The following UST variants were observed in gnomAD, a reference collection of about 807,000 sequenced individuals.
UST encodes the protein chondroitin sulfate 2-O-sulfotransferase.
In UST, 21 loss-of-function variants were observed where a neutral mutation model predicts 45.6. The observed-to-expected ratio is 0.46, with a 90% CI of 0.33 to 0.66. The LOEUF (loss-of-function observed/expected upper bound fraction) is 0.66, where lower values mean the gene tolerates loss of function less well. Ranked by LOEUF, UST falls within the 30% of genes least tolerant of loss-of-function variation. The probability of loss-of-function intolerance (pLI) is 0.02; values close to 1 mark genes in which losing one functional copy is unlikely to be tolerated. For missense variants in UST, 463 were observed against 512.4 expected (o/e 0.90, Z 0.93); for synonymous variants, 215 against 200.6 (o/e 1.07, Z -0.61).
chr6:148,877,373 GGGGGGGTCGTGTATGAGTGC>G (rs1778688718), intron 1 of UST, among the ~76,000 whole-genome samples: 1 of 80,082 alleles, frequency 1.2e-5, no homozygotes, highest in African/African-American at 5.2e-5. Context: ...GTGTATGAGT[GGGGGGGTCGTGTATGAGTGC>G]GGGGGTCGTG....
intron 1 of UST, among the ~76,000 whole-genome samples, chr6:148,785,059 G>A (rs978798158): frequency 1.3e-5 from 2 of 152,248 alleles, no homozygotes; most frequent in Admixed American, 6.5e-5. Context: ...AATACACGCC[G>A]GCTTGGCGGC....
chr6:148,761,730 T>C (rs1033867490), intron 1 of UST, among the ~76,000 whole-genome samples: 4 of 152,128 alleles, frequency 2.6e-5, no homozygotes, highest in African/African-American at 9.7e-5. Flanking sequence ...GATTGTGGTG[T>C]GGTCACCTCT....
chr6:148,803,532 G>A (rs940554911), intron 1 of UST, among the ~76,000 whole-genome samples: 6 of 152,038 alleles, frequency 3.9e-5, no homozygotes, highest in East Asian at 3.9e-4. Flanking sequence ...ATTATCTCCC[G>A]TAGGTTTCTG....
intron 2 of UST, among the ~76,000 whole-genome samples, chr6:148,917,403 G>A (rs2114889283): frequency 6.6e-6 from 1 of 152,202 alleles, no homozygotes; most frequent in African/African-American, 2.4e-5. Flanking sequence ...ACTCACAAAA[G>A]CTGAAGTCAC....
At chr6:148,990,400 G>T (rs539352599) in intron 5 of UST, 77 of 985,286 alleles carry the variant, frequency 7.8e-5, no homozygotes, top group Non-Finnish European at 9.3e-5. Context: ...TATGAAGAGC[G>T]AGAAGCCAAA....
intron 1 of UST, among the ~76,000 whole-genome samples, chr6:148,837,468 A>C (rs1381720441): frequency 6.6e-6 from 1 of 152,238 alleles, no homozygotes; most frequent in Admixed American, 6.5e-5. Context: ...ATGTCAGGCC[A>C]GGAATATCCT....
At chr6:149,027,436 G>T (rs1326323488) in intron 7 of UST, among the ~76,000 whole-genome samples, 2 of 152,214 alleles carry the variant, frequency 1.3e-5, no homozygotes, top group African/African-American at 4.8e-5. Context: ...CAAGTGGATG[G>T]TCTTTAAGAT....
chr6:148,866,816 A>C (rs1035976044), intron 1 of UST, among the ~76,000 whole-genome samples: 1 of 151,996 alleles, frequency 6.6e-6, no homozygotes, highest in African/African-American at 2.4e-5. Context: ...TATTTCCTCC[A>C]TTGCTGAGTG....
At chr6:148,791,961 C>T (rs1001787957) in intron 1 of UST, among the ~76,000 whole-genome samples, 2 of 152,146 alleles carry the variant, frequency 1.3e-5, no homozygotes, top group Non-Finnish European at 2.9e-5. Flanking sequence ...CAAATGGAAA[C>T]CCCACTCTCA....
intron 5 of UST, among the ~76,000 whole-genome samples, chr6:148,994,760 C>T (rs918975255): frequency 6.6e-6 from 1 of 152,166 alleles, no homozygotes; most frequent in Non-Finnish European, 1.5e-5. Flanking sequence ...CCACCAGGCT[C>T]TTTTCCTTTT....
Position 148,809,484 on chromosome 6 carries a change from C to A in UST, c.247+61807C>A, listed in dbSNP as rs969547390. Reference sequence around the variant, plus strand: ...TTCCATCTCAACACTCTAACGTGCTCAAAAAATTAGATTTTGTGGATTATC... The same window carrying A: ...TTCCATCTCAACACTCTAACGTGCTAAAAAAATTAGATTTTGTGGATTATC... On this transcript the variant is annotated intron_variant, in intron 1 of 7. Transcript: ENST00000367463. Among the ~76,000 whole-genome samples, 4 of 152,096 alleles carry A rather than the reference C, an allele frequency of 2.6e-5. 1 individual carries two copies. The highest frequency in any genetic ancestry group is 2.4e-5 in the African/African-American group (1 of 41,406).
intron 1 of UST, 33 bp downstream of exon 1, chr6:148,747,710 C>G: frequency 6.4e-7 from 1 of 1,553,458 alleles, no homozygotes; most frequent in Non-Finnish European, 8.7e-7. Flanking sequence ...AGGGCGGCGC[C>G]GACAGCGCAA....
At chr6:148,836,721 C>G (rs969901474) in intron 1 of UST, among the ~76,000 whole-genome samples, 3 of 152,106 alleles carry the variant, frequency 2.0e-5, no homozygotes, top group African/African-American at 7.2e-5. Context: ...AACACAGAGG[C>G]CCTGCAAAAA....
chr6:148,818,455 C>G (rs1171373418), intron 1 of UST, among the ~76,000 whole-genome samples: 2 of 152,102 alleles, frequency 1.3e-5, no homozygotes, highest in Non-Finnish European at 2.9e-5. Flanking sequence ...GAACTCTGTC[C>G]CTAATTCAGT....
At chr6:148,948,092 G>A (rs1401463116) in intron 3 of UST, among the ~76,000 whole-genome samples, 1 of 152,092 alleles carries the variant, frequency 6.6e-6, no homozygotes, top group African/African-American at 2.4e-5. Flanking sequence ...CATTGCAGGC[G>A]TGTGTTGCGC....
rs1778531352 is a variant in UST at position 148,870,611 on chromosome 6, C to T, written c.248-16375C>T. Among the ~76,000 whole-genome samples the T allele has an allele frequency of 2.0e-5, 3 of 152,224 alleles. No homozygotes were observed. The South Asian group carries it at 6.2e-4, about 32-fold the overall frequency. On this transcript the variant is annotated intron_variant, in intron 1 of 7. Coordinates refer to ENST00000367463, the MANE Select transcript of UST (RefSeq NM_005715.3). ...CCCTTCTCTTGCTGTCAGCGTCCCT[C>T]TTTTCTTCCAGATACAGCTGGGGAG...
At chr6:148,819,261 G>A (rs957005430) in intron 1 of UST, among the ~76,000 whole-genome samples, 4 of 151,678 alleles carry the variant, frequency 2.6e-5, no homozygotes, top group Non-Finnish European at 5.9e-5. Flanking sequence ...TGGTTTAAAT[G>A]TTAAAAAAAA....
rs147585271 is a variant in UST at position 148,849,178 on chromosome 6, C to T, written c.248-37808C>T. ...TACATGCCAGTCTCCTCTGAAAACA[C>T]TCTCAAGGACACACAGGAAGCAATG... is the stretch of plus-strand genomic sequence containing the variant. On this transcript the variant is annotated intron_variant, in intron 1 of 7. Transcript: ENST00000367463. Among the ~76,000 whole-genome samples, 28 of 152,322 alleles carry T rather than the reference C, an allele frequency of 1.8e-4. 1 individual carries two copies. The East Asian group carries it at 5.2e-3, about 28-fold the overall frequency.
chr6:149,043,534 G>T (rs114113104), intron 7 of UST, among the ~76,000 whole-genome samples: 1,678 of 152,374 alleles, frequency 0.011, 25 homozygotes, highest in African/African-American at 0.039. Context: ...TGTGTGGAAG[G>T]CCAGTGCTGT....
Sources: allele counts gnomAD v4.1 joint callset (sites outside exome capture counted in the v4.1 genomes callset), GRCh38; gene constraint gnomAD v4.1.1; transcripts MANE v1.5; gene names NCBI Gene and HGNC (gene_info 2026-07-23, HGNC 2026-07-21).